The following SCN8A variants were observed in gnomAD, a reference collection of about 807,000 sequenced individuals.
SCN8A encodes sodium voltage-gated channel alpha subunit 8.
In SCN8A, 30 loss-of-function variants were observed where a neutral mutation model predicts 184.1. The observed-to-expected ratio is 0.16, with a 90% CI of 0.12 to 0.22. The LOEUF (loss-of-function observed/expected upper bound fraction) is 0.22, where lower values mean the gene tolerates loss of function less well. Among genes scored for constraint, SCN8A ranks in the 10% least tolerant of loss-of-function variants. The pLI is 1.00. For synonymous variants in SCN8A, 852 were observed against 907.0 expected (o/e 0.94, Z 1.09); for missense variants, 1,057 against 2,498.9 (o/e 0.42, Z 12.30).
At chr12:51,752,015 TA>T (rs1197865718) in intron 14 of SCN8A, among the ~76,000 whole-genome samples, 15 of 152,172 alleles carry the variant, frequency 9.9e-5, no homozygotes, top group Non-Finnish European at 1.8e-4. Context: ...ACACTACATG[TA>T]ACTATGGATT....
rs1940948539 is a variant in SCN8A, at chr12:51,662,752, T to C, written c.-54-12T>C. 2 of 1,512,026 alleles carry C rather than the reference T, an allele frequency of 1.3e-6. No individual in the cohort carries two copies. Among genetic ancestry groups the C allele is most frequent in the African/African-American group, 1.4e-5 (1 of 72,470 alleles). The allele number at this position is 1,512,026 out of a possible 1,614,324, so 93.7% of individuals were successfully genotyped here. A position where few individuals can be genotyped will look rare whatever the true frequency, so the allele number is the denominator to read the frequency against. ...GATTGATTAATGCTGTCTGTGTTGC[T>C]GTTTCTTCCAGAGCTGACCTGTCCT... On this transcript the variant is annotated splice_polypyrimidine_tract_variant and intron_variant, in intron 1 of 26. Coordinates refer to ENST00000627620, the MANE Select transcript of SCN8A (RefSeq NM_001330260.2).
chr12:51,748,830 T>A (rs1007988578), intron 13 of SCN8A, among the ~76,000 whole-genome samples: 1 of 152,156 alleles, frequency 6.6e-6, no homozygotes, highest in Non-Finnish European at 1.5e-5. Flanking sequence ...CCTTGGTGCC[T>A]AGCACATTGC....
At chr12:51,788,622 C>A in intron 22 of SCN8A, 73 bp from the exon 23 acceptor site, 1 of 1,231,896 alleles carries the variant, frequency 8.1e-7, no homozygotes, top group South Asian at 1.8e-5. Context: ...TAAGCCTGGC[C>A]TTTGGGACCC....
chr12:51,601,961 GTA>G (rs1196339753), intron 1 of SCN8A, among the ~76,000 whole-genome samples: 3 of 149,878 alleles, frequency 2.0e-5, no homozygotes, highest in African/African-American at 7.4e-5. Flanking sequence ...GAAGGAGTGT[GTA>G]TGTTTTTTTT....
At chr12:51,686,949 C>G (rs539998505) in intron 4 of SCN8A, 142 bp from the exon 5 acceptor site, 1 of 755,370 alleles carries the variant, frequency 1.3e-6, no homozygotes, top group Admixed American at 2.7e-5. Flanking sequence ...TTCTCCTCCT[C>G]ACTTCCTTCC....
intron 6 of SCN8A, among the ~76,000 whole-genome samples, chr12:51,692,379 A>G (rs564627114): frequency 6.6e-6 from 1 of 152,346 alleles, no homozygotes; most frequent in South Asian, 2.1e-4. Context: ...AGTAAGGTGC[A>G]TCAGTTAGCT....
intron 2 of SCN8A, among the ~76,000 whole-genome samples, chr12:51,678,015 G>A (rs968865311): frequency 7.2e-5 from 11 of 152,198 alleles, no homozygotes; most frequent in African/African-American, 2.7e-4. Flanking sequence ...CTATATCTAG[G>A]CTTTGAAGGA....
At chr12:51,723,812 C>T (rs528161671) in intron 12 of SCN8A, among the ~76,000 whole-genome samples, 2 of 151,636 alleles carry the variant, frequency 1.3e-5, no homozygotes, top group African/African-American at 4.8e-5. Context: ...TGCGCCACTG[C>T]ACTCCAGCCT....
intron 1 of SCN8A, among the ~76,000 whole-genome samples, chr12:51,661,618 G>A (rs116523318): frequency 0.011 from 1,721 of 151,928 alleles, 46 homozygotes; most frequent in African/African-American, 0.039. Flanking sequence ...ACAATCTTTA[G>A]TCTTAAAAAA....
intron 2 of SCN8A, among the ~76,000 whole-genome samples, chr12:51,681,860 A>G (rs988141567): frequency 6.6e-6 from 1 of 152,136 alleles, no homozygotes; most frequent in Non-Finnish European, 1.5e-5. Context: ...TTGGGAGTAC[A>G]TAGGCTGATC....
At chr12:51,593,316 T>G (rs1325833877) in intron 1 of SCN8A, among the ~76,000 whole-genome samples, 1 of 152,160 alleles carries the variant, frequency 6.6e-6, no homozygotes, top group Non-Finnish European at 1.5e-5. Context: ...GTAAATGTGT[T>G]GTGTTTCTGA....
intron 1 of SCN8A, among the ~76,000 whole-genome samples, chr12:51,633,081 A>G (rs866148846): frequency 6.6e-6 from 1 of 152,206 alleles, no homozygotes; most frequent in Non-Finnish European, 1.5e-5. Flanking sequence ...TGTGTTACAC[A>G]TGGCATCGAT....
chr12:51,730,924 A>G (rs1942230570), intron 12 of SCN8A, among the ~76,000 whole-genome samples: 1 of 152,014 alleles, frequency 6.6e-6, no homozygotes, highest in Non-Finnish European at 1.5e-5. Context: ...GTTCAATTGC[A>G]TTGATTTTTC....
chr12:51,710,798 T>C (rs1309978024), intron 11 of SCN8A, among the ~76,000 whole-genome samples: 1 of 152,260 alleles, frequency 6.6e-6, no homozygotes. Context: ...TGTTTTCTAG[T>C]TGGAAATCTT....
intron 2 of SCN8A, among the ~76,000 whole-genome samples, chr12:51,675,280 C>T (rs115914105): frequency 2.7e-3 from 407 of 152,232 alleles, no homozygotes; most frequent in African/African-American, 9.1e-3. Flanking sequence ...TTCCTGTGAC[C>T]AGAACGTGAG....
intron 16 of SCN8A, 33 bp from the exon 17 acceptor site, chr12:51,768,832 A>G: frequency 1.3e-6 from 2 of 1,508,322 alleles, no homozygotes; most frequent in Non-Finnish European, 1.8e-6. Flanking sequence ...ACTTTTCTGC[A>G]TTTGTTCCTT....
At chr12:51,728,725 G>A (rs1310311662) in intron 12 of SCN8A, among the ~76,000 whole-genome samples, 1 of 87,088 alleles carries the variant, frequency 1.1e-5, no homozygotes, top group Non-Finnish European at 2.3e-5. Context: ...GGAAGACCCT[G>A]TTTCCCAAAA....
chr12:51,652,750 G>A (rs559684863), intron 1 of SCN8A, among the ~76,000 whole-genome samples: 2 of 152,302 alleles, frequency 1.3e-5, no homozygotes, highest in Admixed American at 6.5e-5. Context: ...TCTCCAGGAA[G>A]CTTTCCTTGA....
At chr12:51,784,092 T>C (rs888353132) in intron 21 of SCN8A, among the ~76,000 whole-genome samples, 3 of 152,226 alleles carry the variant, frequency 2.0e-5, no homozygotes, top group Admixed American at 6.5e-5. Flanking sequence ...ATTTATAATA[T>C]ATCTTTAGTG....
Sources: gnomAD v4.1 joint callset for allele counts (sites outside exome capture counted in the v4.1 genomes callset) on GRCh38, gnomAD v4.1.1 for gene constraint, MANE v1.5 for transcripts, NCBI Gene and HGNC (gene_info 2026-07-23, HGNC 2026-07-21) for gene names.